The following HPSE variants were observed in gnomAD, a reference collection of about 807,000 sequenced individuals.
The protein encoded by HPSE is endo-glucoronidase.
In HPSE, 48 loss-of-function variants were observed where a neutral mutation model predicts 65.1. The ratio of observed to expected loss-of-function variants is 0.74; its 90% CI spans 0.58 to 0.94. The LOEUF (loss-of-function observed/expected upper bound fraction) is 0.94, where lower values mean the gene tolerates loss of function less well. Ranked by LOEUF, HPSE falls within the 40% of genes least tolerant of loss-of-function variation. The pLI is 0.00. For synonymous variants in HPSE, 243 were observed against 260.0 expected (o/e 0.93, Z 0.63); for missense variants, 644 against 637.5 (o/e 1.01, Z -0.11).
chr4:83,322,342 C>G lies in HPSE; in HGVS notation c.250G>C (p.Ala84Pro), dbSNP rs1578023299. Residue 84 changes from alanine (A) to proline (P), a missense_variant, in exon 2 of 12, where the codon GCC (alanine) becomes CCC (proline). By Grantham distance (27) the Ala-to-Pro change is conservative. Transcript: ENST00000311412. ...AGGTACGCAGGAGACAAGCCTCTGG[C>G]CAAGGTACGAAGCTTTGGAGAACTG... is the stretch of plus-strand genomic sequence containing the variant. ...LLGSPKLRTL[A>P]RGLSPAYLRF... is the part of the protein sequence containing the mutation. 1.2e-6 allele frequency: 2 copies of G among 1,612,938 alleles called. No homozygotes were observed. Among genetic ancestry groups the G allele is most frequent in the Admixed American group, 1.7e-5 (1 of 59,822 alleles).
intron 4 of HPSE, among the ~76,000 whole-genome samples, chr4:83,311,781 GAAA>G (rs59143616): frequency 0.026 from 3,270 of 126,748 alleles, 73 homozygotes; most frequent in African/African-American, 0.067. Context: ...GATCTTGTCT[GAAA>G]AAAAAAAAAA....
chr4:83,331,285 A>G (rs1737361648), intron 1 of HPSE, among the ~76,000 whole-genome samples: 1 of 152,194 alleles, frequency 6.6e-6, no homozygotes, highest in African/African-American at 2.4e-5. Flanking sequence ...ACTTGGTTTG[A>G]GAAAAGGAAT....
intron 9 of HPSE, among the ~76,000 whole-genome samples, chr4:83,303,887 ATAGG>A (rs1226355572): frequency 2.0e-5 from 3 of 152,202 alleles, no homozygotes; most frequent in Non-Finnish European, 4.4e-5. Flanking sequence ...AAGTAATCTA[ATAGG>A]TAGGAGGTGA....
intron 5 of HPSE, 28 bp downstream of exon 5, chr4:83,310,694 A>G: frequency 6.3e-7 from 1 of 1,577,478 alleles, no homozygotes; most frequent in East Asian, 2.3e-5. Flanking sequence ...AAGAAAAGTA[A>G]AGTGATTCTG....
At chr4:83,301,959 AAAC>A (rs897481907) in intron 10 of HPSE, among the ~76,000 whole-genome samples, 188 bp downstream of exon 10, 9 of 152,234 alleles carry the variant, frequency 5.9e-5, no homozygotes, top group Non-Finnish European at 7.3e-5. Flanking sequence ...CCGTCTCAAA[AAAC>A]AACAACAACA....
intron 11 of HPSE, among the ~76,000 whole-genome samples, chr4:83,300,546 C>T (rs1205784895): frequency 5.3e-5 from 8 of 151,732 alleles, no homozygotes; most frequent in Non-Finnish European, 1.0e-4. Context: ...ACATAAATTT[C>T]CTGAATATTA....
intron 1 of HPSE, among the ~76,000 whole-genome samples, 186 bp downstream of exon 1, chr4:83,334,370 C>A (rs1397628187): frequency 6.6e-6 from 1 of 151,744 alleles, no homozygotes. Context: ...CCCCAAAAAG[C>A]AGTTTGGGGT....
intron 10 of HPSE, among the ~76,000 whole-genome samples, chr4:83,301,326 G>A (rs1313931382): frequency 6.6e-6 from 1 of 152,106 alleles, no homozygotes; most frequent in African/African-American, 2.4e-5. Context: ...AATTAAAAAT[G>A]TTGCCGTTCA....
intron 1 of HPSE, 82 bp downstream of exon 1, chr4:83,334,474 A>C: frequency 7.0e-7 from 1 of 1,437,182 alleles, no homozygotes; most frequent in South Asian, 1.4e-5. Flanking sequence ...GTTTCCGCGC[A>C]AAAGAAGGAG....
chr4:83,301,967 A>T (rs1244842370), intron 10 of HPSE, among the ~76,000 whole-genome samples, 183 bp downstream of exon 10: 2 of 152,196 alleles, frequency 1.3e-5, no homozygotes, highest in Non-Finnish European at 2.9e-5. Flanking sequence ...AAAAACAACA[A>T]CAACAAAAGT....
intron 8 of HPSE, among the ~76,000 whole-genome samples, chr4:83,306,914 G>T (rs976464066): frequency 3.3e-5 from 5 of 152,110 alleles, no homozygotes; most frequent in African/African-American, 1.2e-4. Flanking sequence ...TAAGATCAGT[G>T]CTTGAGATAT....
intron 1 of HPSE, among the ~76,000 whole-genome samples, chr4:83,331,789 T>C (rs982896299): frequency 6.6e-6 from 1 of 152,178 alleles, no homozygotes; most frequent in Non-Finnish European, 1.5e-5. Context: ...AATGCTTCTT[T>C]TCATTATATC....
intron 3 of HPSE, among the ~76,000 whole-genome samples, chr4:83,314,987 C>T (rs1480253541): frequency 1.3e-5 from 2 of 151,898 alleles, no homozygotes; most frequent in Non-Finnish European, 2.9e-5. Context: ...GAAACCCCGT[C>T]TCTACTAAAA....
chr4:83,313,114 C>A lies in HPSE; in HGVS notation c.673G>T (p.Glu225Ter). 1 of 1,602,318 alleles carries A rather than the reference C, an allele frequency of 6.2e-7. No homozygotes were observed. Among genetic ancestry groups the A allele is most frequent in the East Asian group, 2.2e-5 (1 of 44,800 alleles). ...GYNISWELGN[E>*]PNSFLKKADI... is the part of the protein sequence containing the mutation. ...ATGAATTGTTCCCTGGGGTACTCAC[C>A]ATTGCCTAGTTCCCAAGAAATGTTA... is the stretch of plus-strand genomic sequence containing the variant. The change falls in exon 4 of 12, where the codon GAA becomes TAA. Residue 225 changes from glutamate (E) to a stop codon, truncating the protein, a stop_gained and splice_region_variant. Transcript: ENST00000311412. LOFTEE classifies it high-confidence loss of function.
chr4:83,328,856 G>A (rs578194491), intron 1 of HPSE, among the ~76,000 whole-genome samples: 5 of 152,174 alleles, frequency 3.3e-5, no homozygotes, highest in Non-Finnish European at 7.3e-5. Context: ...AGTCCTTGGG[G>A]GTTGGGGAGG....
chr4:83,321,237 C>T (rs1736879554), intron 2 of HPSE, among the ~76,000 whole-genome samples: 1 of 152,122 alleles, frequency 6.6e-6, no homozygotes, highest in African/African-American at 2.4e-5. Flanking sequence ...CCATAAACAA[C>T]TCCAACCTGG....
Position 83,302,986 on chromosome 4 carries a change from TA to T in HPSE, c.1207-719del, listed in dbSNP as rs910248523. On this transcript the variant is annotated intron_variant, in intron 9 of 11. Transcript: ENST00000311412. ...TGAGACACTGTCTCAAAATAACAGTTAAAAAAATCTTAAAAAAAAATTTATT... is the reference window on the plus strand; with the variant it reads ...TGAGACACTGTCTCAAAATAACAGTTAAAAAATCTTAAAAAAAAATTTATT... Among the ~76,000 whole-genome samples, 4 of 152,058 alleles carry T rather than the reference TA, an allele frequency of 2.6e-5. No individual in the cohort carries two copies. The East Asian group carries it at 5.8e-4, about 22-fold the overall frequency.
intron 3 of HPSE, among the ~76,000 whole-genome samples, chr4:83,313,789 T>C (rs992975353): frequency 1.3e-5 from 2 of 152,230 alleles, no homozygotes; most frequent in Non-Finnish European, 2.9e-5. Context: ...CCTAGAGTTA[T>C]AGGACTATGG....
At position 83,322,789 on chromosome 4, in the gene HPSE, T is replaced by TTTTGTGTG. The variant is rs1553920742; in HGVS notation, c.228-426_228-425insCACACAAA. ...AGCTCTAATTCTGGCAAGAGCTTGT[T>TTTTGTGTG]TGTGTGTGTGTGTGTGTGTGTGTGT... is the stretch of plus-strand genomic sequence containing the variant. On this transcript the variant is annotated intron_variant, in intron 1 of 11. Transcript: ENST00000311412. 5.7e-3 allele frequency among the ~76,000 whole-genome samples: 594 copies of TTTTGTGTG among 104,046 alleles called. 18 individuals carry two copies. The highest frequency in any genetic ancestry group is 0.028 in the East Asian group (77 of 2,730). 68.3% of individuals were successfully genotyped at this position (104,046 alleles called of 152,430 possible).
Sources: gnomAD v4.1 joint callset for allele counts (sites outside exome capture counted in the v4.1 genomes callset) on GRCh38, gnomAD v4.1.1 for gene constraint, MANE v1.5 for transcripts, NCBI Gene and HGNC (gene_info 2026-07-23, HGNC 2026-07-21) for gene names.